Variants in AMPD1 observed in about 807,000 individuals in gnomAD.
The protein encoded by AMPD1 is AMP deaminase 1.
In AMPD1, 74 loss-of-function variants were observed where a neutral mutation model predicts 82.9. That is an observed-to-expected ratio of 0.89 (90% CI 0.74 to 1.08). The LOEUF (loss-of-function observed/expected upper bound fraction) is 1.08. AMPD1 is among the 50% of genes least tolerant of loss of function. The pLI is 0.00. For synonymous variants in AMPD1, 333 were observed against 320.5 expected (o/e 1.04, Z -0.42); for missense variants, 881 against 924.5 (o/e 0.95, Z 0.61).
At chr1:114,674,455 T>C (rs1440449085) in intron 13 of AMPD1, among the ~76,000 whole-genome samples, 5 of 152,296 alleles carry the variant, frequency 3.3e-5, no homozygotes, top group Non-Finnish European at 5.9e-5. Flanking sequence ...ACAAGAAATC[T>C]GGCAAAAACT....
In AMPD1 at chr1:114,680,265, C is replaced by T; in HGVS notation, c.761G>A (p.Gly254Glu). The T allele has an allele frequency of 6.2e-7, 1 of 1,613,508 alleles. No individual in the cohort carries two copies. Among genetic ancestry groups the T allele is most frequent in the African/African-American group, 1.3e-5 (1 of 75,008 alleles). The change falls in exon 6 of 16, where the codon GGA becomes GAA. Residue 254 changes from glycine to glutamate, a missense_variant. Gly to Glu is a moderately conservative substitution (Grantham distance 98). Transcript: ENST00000520113. Reference sequence around the variant, plus strand: ...GGTCTCACTAAACACTTACACAGGTCCTTGAGCAATTAAAGCAAGTAAAAA... The same window carrying T: ...GGTCTCACTAAACACTTACACAGGTTCTTGAGCAATTAAAGCAAGTAAAAA... ...MNFLLALIAQ[G>E]PVKTYTHRRL...
rs780116840 is a variant in AMPD1 at position 114,688,575 on chromosome 1, G to A, written c.201C>T (p.Ser67=). The change falls in exon 3 of 16, where the codon TCC becomes TCT. Residue 67 remains serine, a synonymous_variant. Transcript: ENST00000520113. The stretch of plus-strand genomic sequence containing the variant: ...ACACCACTTACCTCCTGGCTTCTGT[G>A]GAGGTGGACAGAGTCTCCAGATGGA... ...HIFHLETLST[S]TEARRKKRFQ... 1.2e-6 allele frequency: 2 copies of A among 1,614,056 alleles called. No individual in the cohort carries two copies. Among genetic ancestry groups the A allele is most frequent in the Non-Finnish European group, 1.7e-6 (2 of 1,180,048 alleles).
chr1:114,680,574 T>C (rs569475331), intron 5 of AMPD1, 96 bp from the exon 6 acceptor site: 1 of 1,027,768 alleles, frequency 9.7e-7, no homozygotes, highest in African/African-American at 1.6e-5. Context: ...TCTCATTAGC[T>C]TGGAATCCGG....
Position 114,679,631 on chromosome 1 carries a change from T to C in AMPD1, c.845A>G (p.Glu282Gly). ...QVHQMLNEMDELKELKNNPHR... is the reference protein window; with the variant it reads ...QVHQMLNEMDGLKELKNNPHR... ...GGGGTTGTTTTTCAGCTCCTTTAACTCGTCCATCTCGTTAAGCATCTGATG... is the reference window on the plus strand; with the variant it reads ...GGGGTTGTTTTTCAGCTCCTTTAACCCGTCCATCTCGTTAAGCATCTGATG... Residue 282 changes from glutamate to glycine, a missense_variant, in exon 7 of 16, where the codon GAG becomes GGG. Physicochemically the swap from Glu to Gly is moderately conservative, Grantham distance 98 (BLOSUM62 -2). Transcript: ENST00000520113. 6.2e-7 allele frequency: 1 copy of C among 1,614,042 alleles called. No individual in the cohort carries two copies. The highest frequency in any genetic ancestry group is 8.5e-7 in the Non-Finnish European group (1 of 1,179,988).
chr1:114,686,930 G>GT lies in AMPD1; in HGVS notation c.216-21dup, dbSNP rs1325998946. ...TTTTTTCTGGGTTCGAAATTTAAAAGTAAGAGTTAATTTTGTCTTCATCAG... is the reference window on the plus strand; with the variant it reads ...TTTTTTCTGGGTTCGAAATTTAAAAGTTAAGAGTTAATTTTGTCTTCATCAG... On this transcript the variant is annotated intron_variant, in intron 3 of 15. Transcript: ENST00000520113. 1 of 1,613,854 alleles carries GT rather than the reference G, an allele frequency of 6.2e-7. No homozygotes were observed. Among genetic ancestry groups the GT allele is most frequent in the Non-Finnish European group, 8.5e-7 (1 of 1,179,756 alleles).
In AMPD1 at chr1:114,684,184, T is replaced by C. The variant is rs1658242119; in HGVS notation, c.547+15A>G. On this transcript the variant is annotated intron_variant, in intron 5 of 15. Transcript: ENST00000520113. ...AATAAAATATGTTTCATACATTATGTAAGAGAATTGTTACCTGGATAGAAG... is the reference window on the plus strand; with the variant it reads ...AATAAAATATGTTTCATACATTATGCAAGAGAATTGTTACCTGGATAGAAG... 2.5e-6 allele frequency: 4 copies of C among 1,613,218 alleles called. No homozygotes were observed. Among genetic ancestry groups the C allele is most frequent in the Non-Finnish European group, 2.5e-6 (3 of 1,179,186 alleles).
At chr1:114,674,970 G>T in intron 12 of AMPD1, 98 bp from the exon 13 acceptor site, 1 of 1,481,478 alleles carries the variant, frequency 6.8e-7, no homozygotes, top group Non-Finnish European at 9.3e-7. Flanking sequence ...AAGGAAGTAA[G>T]CCATCCAAAG....
intron 5 of AMPD1, 151 bp downstream of exon 5, chr1:114,684,048 G>C (rs1658238340): frequency 1.2e-6 from 1 of 802,376 alleles, no homozygotes; most frequent in African/African-American, 1.7e-5. Context: ...ACTGAATCAA[G>C]TGATTGGACA....
intron 2 of AMPD1, among the ~76,000 whole-genome samples, chr1:114,690,624 A>G (rs1658485258): frequency 6.6e-6 from 1 of 152,212 alleles, no homozygotes; most frequent in Non-Finnish European, 1.5e-5. Flanking sequence ...TGGATGCTAT[A>G]AGTAGTTCTT....
At position 114,677,448 on chromosome 1, in the gene AMPD1, G is replaced by A. The variant is rs767886701; in HGVS notation, c.1291C>T (p.Arg431Cys). Residue 431 changes from arginine (R) to cysteine (C), a missense_variant, in exon 10 of 16, where the codon CGC becomes TGC. Arg to Cys is a radical substitution (Grantham distance 180). Around this residue, in one of 2 missense-constraint regions of AMPD1, gnomAD observed 783 missense variants for 786.4 expected, o/e 1.00. Coordinates refer to ENST00000520113, the MANE Select transcript of AMPD1 (RefSeq NM_000036.3). ...HAEPRLSIYGRSPDEWSKLSS... is the reference protein window; with the variant it reads ...HAEPRLSIYGCSPDEWSKLSS... Reference sequence around the variant, plus strand: ...AGTTTGCTCCACTCATCAGGACTGCGGCCATAGATGGACAGGCGGGGCTCA... The same window carrying A: ...AGTTTGCTCCACTCATCAGGACTGCAGCCATAGATGGACAGGCGGGGCTCA... The A allele has an allele frequency of 1.2e-5, 20 of 1,612,674 alleles. No individual in the cohort carries two copies. The highest frequency in any genetic ancestry group is 1.2e-4 in the African/African-American group (9 of 74,336).
At chr1:114,683,252 G>T in intron 5 of AMPD1, 1 of 354,406 alleles carries the variant, frequency 2.8e-6, no homozygotes, top group South Asian at 2.3e-5. Context: ...GATTGGGTTG[G>T]CTCTGGAGAC....
Position 114,675,897 on chromosome 1 carries a change from G to A in AMPD1, c.1495C>T (p.Leu499Phe), listed in dbSNP as rs1657967820. The A allele has an allele frequency of 6.2e-7, 1 of 1,614,092 alleles. No homozygotes were observed. Among genetic ancestry groups the A allele is most frequent in the South Asian group, 1.1e-5 (1 of 91,092 alleles). The change falls in exon 11 of 16, where the codon CTC becomes TTC. Residue 499 changes from leucine to phenylalanine, a missense_variant. Physicochemically the swap from Leu to Phe is conservative, Grantham distance 22 (BLOSUM62 0). Transcript: ENST00000520113. ...ATINPQADPE[L>F]SVFLKHITGF... Reference sequence around the variant, plus strand: ...CTTACATGCTTGAGGAAGACACTGAGTTCTGGGTCAGCCTGGGGGTTGATG... The same window carrying A: ...CTTACATGCTTGAGGAAGACACTGAATTCTGGGTCAGCCTGGGGGTTGATG...
rs34526199 is a variant in AMPD1 at position 114,679,616 on chromosome 1, T to A, written c.860A>T (p.Lys287Ile). 50,262 of 1,612,856 alleles carry A rather than the reference T, an allele frequency of 0.031. 976 individuals carry two copies. The highest frequency in any genetic ancestry group is 0.034 in the Non-Finnish European group (39,559 of 1,179,564). ...LNEMDELKEL[K>I]NNPHRDFYNC... ...ATAAAAATCTCGGTGGGGGTTGTTT[T>A]TCAGCTCCTTTAACTCGTCCATCTC... The change falls in exon 7 of 16, where the codon AAA (lysine) becomes ATA (isoleucine). Residue 287 changes from lysine to isoleucine, a missense_variant. Transcript: ENST00000520113.
chr1:114,684,054 G>T, intron 5 of AMPD1, 145 bp downstream of exon 5: 1 of 828,996 alleles, frequency 1.2e-6, no homozygotes, highest in Non-Finnish European at 1.9e-6. Context: ...TCAAGTGATT[G>T]GACACGTGAG....
intron 4 of AMPD1, among the ~76,000 whole-genome samples, chr1:114,686,244 T>C (rs1176970269): frequency 1.3e-5 from 2 of 152,176 alleles, no homozygotes; most frequent in Non-Finnish European, 2.9e-5. Context: ...CTCATCTTCC[T>C]TCTTTTCTCT....
chr1:114,675,500 C>A (rs374324490), intron 12 of AMPD1, 30 bp downstream of exon 12: 48 of 1,610,738 alleles, frequency 3.0e-5, no homozygotes, highest in Admixed American at 6.7e-5. Context: ...GTCAAATAGA[C>A]CCTCCTAGCT....
chr1:114,679,131 T>A (rs6685096), intron 7 of AMPD1, among the ~76,000 whole-genome samples: 3,947 of 152,258 alleles, frequency 0.026, 187 homozygotes, highest in African/African-American at 0.09. Context: ...ATCTCTAGGC[T>A]AGCTCATTTG....
In AMPD1 at chr1:114,678,121, A is replaced by G. The variant is rs1658055020; in HGVS notation, c.1093-80T>C. 34 of 1,586,212 alleles carry G rather than the reference A, an allele frequency of 2.1e-5. No individual in the cohort carries two copies. In the South Asian group the frequency reaches 3.8e-4, roughly 18 times the overall value. ...GAGAGCTAGGAAATAGTCAAGCAGA[A>G]CTGGGGTCTGGTAGTGGGGGAGGGC... On this transcript the variant is annotated intron_variant, in intron 8 of 15. Coordinates refer to ENST00000520113, the MANE Select transcript of AMPD1 (RefSeq NM_000036.3).
Position 114,674,063 on chromosome 1 carries a change from A to C in AMPD1, c.1820T>G (p.Leu607Trp), listed in dbSNP as rs1480304756. The C allele has an allele frequency of 6.2e-7, 1 of 1,613,972 alleles. No homozygotes were observed. The highest frequency in any genetic ancestry group is 8.5e-7 in the Non-Finnish European group (1 of 1,179,840). Residue 607 changes from leucine (L) to tryptophan (W), a missense_variant, in exon 14 of 16, where the codon TTG (leucine) becomes TGG (tryptophan). By Grantham distance (61) the Leu-to-Trp change is moderately conservative (BLOSUM62 -2). This residue lies in a region of AMPD1 where 783 missense variants were observed against 786.4 expected (regional missense o/e 1.00). Coordinates refer to ENST00000520113, the MANE Select transcript of AMPD1 (RefSeq NM_000036.3). The part of the protein sequence containing the change: ...NLKKSPVLQY[L>W]FFLAQIPIAM... The stretch of plus-strand genomic sequence containing the variant: ...GATGGGAATTTGGGCTAAGAAAAAC[A>C]AGTACTGTAGCACGGGACTCTGAAA...
Sources: gnomAD v4.1 joint callset for allele counts (sites outside exome capture counted in the v4.1 genomes callset) on GRCh38, gnomAD v4.1.1 for gene constraint, gnomAD v4.1.1 regional missense constraint, MANE v1.5 for transcripts, NCBI Gene and HGNC (gene_info 2026-07-23, HGNC 2026-07-21) for gene names.